Variants in AKNA observed in about 807,000 individuals in gnomAD.
The protein encoded by AKNA is microtubule organization protein AKNA.
In AKNA, 67 loss-of-function variants were observed where a neutral mutation model predicts 138.8. That is an observed-to-expected ratio of 0.48 (90% CI 0.40 to 0.59). The LOEUF is 0.59. Ranked by LOEUF, AKNA falls within the 20% of genes least tolerant of loss-of-function variation. The pLI, the probability that AKNA is intolerant of heterozygous loss-of-function variation, is 0.00. For missense variants in AKNA, 1,813 were observed against 1,880.4 expected (o/e 0.96, Z 0.66); for synonymous variants, 737 against 754.4 (o/e 0.98, Z 0.38).
chr9:114,356,160 C>G (rs768550938), intron 13 of AKNA, 24 bp from the exon 14 acceptor site: 2 of 1,601,790 alleles, frequency 1.2e-6, no homozygotes. Flanking sequence ...GAGGAAGGGA[C>G]ACACAGGGGT....
At chr9:114,373,444 A>T (rs1227755836) in intron 4 of AKNA, among the ~76,000 whole-genome samples, 3 of 152,204 alleles carry the variant, frequency 2.0e-5, no homozygotes, top group Non-Finnish European at 2.9e-5. Context: ...CCAGGGGCTG[A>T]GCAGAAATTC....
At chr9:114,330,631 A>G, downstream of AKNA, 3 of 1,604,024 alleles carry the variant, frequency 1.9e-6, no homozygotes, top group South Asian at 1.1e-5. Context: ...AGAAGACCTG[A>G]GCAAGTCCCT....
intron 16 of AKNA, 107 bp from the exon 17 acceptor site, chr9:114,346,891 G>T: frequency 1.1e-6 from 1 of 929,344 alleles, no homozygotes; most frequent in Non-Finnish European, 1.6e-6. Flanking sequence ...CACGATGGAA[G>T]GAAGAGAGTA....
intron 14 of AKNA, among the ~76,000 whole-genome samples, chr9:114,352,260 T>C (rs958442236): frequency 6.6e-6 from 1 of 152,206 alleles, no homozygotes; most frequent in African/African-American, 2.4e-5. Context: ...CTGTGTATTA[T>C]TTCTTATAAC....
chr9:114,359,469 T>C, intron 11 of AKNA, 125 bp downstream of exon 11: 1 of 1,557,032 alleles, frequency 6.4e-7, no homozygotes. Flanking sequence ...ATTCCACACT[T>C]GAAGAGGCAG....
Position 114,378,348 on chromosome 9 carries a change from C to T in AKNA, c.275-816G>A, listed in dbSNP as rs555076265. Among the ~76,000 whole-genome samples the T allele has an allele frequency of 3.3e-5, 5 of 152,348 alleles. 1 individual carries two copies. The South Asian group carries it at 1.0e-3, about 32-fold the overall frequency. On this transcript the variant is annotated intron_variant, in intron 2 of 21. Coordinates refer to ENST00000374088, the MANE Select transcript of AKNA (RefSeq NM_001317950.2). ...TGACTAGGTCAAGTTCTCCCTTTTA[C>T]AGGCCCTCATAGGACTGGCTCCCTC...
intron 6 of AKNA, 111 bp downstream of exon 6, chr9:114,367,432 C>T: frequency 7.5e-7 from 1 of 1,332,434 alleles, no homozygotes; most frequent in Non-Finnish European, 1.0e-6. Context: ...GGTGCAGAGG[C>T]AGGGGAATGA....
chr9:114,367,495 C>T, intron 6 of AKNA, 48 bp downstream of exon 6: 1 of 1,601,980 alleles, frequency 6.2e-7, no homozygotes, highest in Non-Finnish European at 8.5e-7. Flanking sequence ...GTTCTGTGTT[C>T]TCCAGGTGAG....
Position 114,362,388 on chromosome 9 carries a change from T to A in AKNA, c.1916+18A>T. 1 of 1,605,050 alleles carries A rather than the reference T, an allele frequency of 6.2e-7. No individual in the cohort carries two copies. Among genetic ancestry groups the A allele is most frequent in the African/African-American group, 1.3e-5 (1 of 74,868 alleles). The stretch of plus-strand genomic sequence containing the variant: ...CCCATCCCATCTGTCCTTCCAGGCC[T>A]TCCACCCCAGCAGGTACCTGCGAGG... On this transcript the variant is annotated intron_variant, in intron 8 of 21. Transcript: ENST00000374088.
chr9:114,398,229 GC>G (rs564741417), upstream of AKNA, among the ~76,000 whole-genome samples: 958 of 152,322 alleles, frequency 6.3e-3, 9 homozygotes, highest in African/African-American at 0.022. The surrounding 1 kb of genome is among the most constrained non-coding windows in gnomAD (Gnocchi z 4.2). Flanking sequence ...CCCGTCCAGG[GC>G]TCCCTCCCAT....
intron 12 of AKNA, 45 bp downstream of exon 12, chr9:114,357,876 A>C: frequency 6.3e-7 from 1 of 1,581,960 alleles, no homozygotes; most frequent in Non-Finnish European, 8.5e-7. Flanking sequence ...AAGACCCAGG[A>C]ATGACCCTGA....
Position 114,341,578 on chromosome 9 carries a change from G to A in AKNA, c.4022C>T (p.Ala1341Val). 1 of 1,614,146 alleles carries A rather than the reference G, an allele frequency of 6.2e-7. No individual in the cohort carries two copies. Among genetic ancestry groups the A allele is most frequent in the Non-Finnish European group, 8.5e-7 (1 of 1,180,014 alleles). Residue 1341 changes from alanine to valine, a missense_variant, in exon 21 of 22, where the codon GCC becomes GTC. Coordinates refer to ENST00000374088, the MANE Select transcript of AKNA (RefSeq NM_001317950.2). ...APPAPAPPAF[A>V]YISSVPIMPY... The stretch of plus-strand genomic sequence containing the variant: ...CATGATGGGAACCGAGGAGATGTAG[G>A]CAAAGGCTGGAGGGGCTGGTGCTGG...
intron 4 of AKNA, among the ~76,000 whole-genome samples, chr9:114,373,436 A>G (rs1832943389): frequency 6.6e-6 from 1 of 152,188 alleles, no homozygotes; most frequent in Non-Finnish European, 1.5e-5. Context: ...AACAAGCACC[A>G]GGGGCTGAGC....
intron 1 of AKNA, among the ~76,000 whole-genome samples, chr9:114,385,491 G>T (rs1179635701): frequency 6.6e-6 from 1 of 152,226 alleles, no homozygotes; most frequent in African/African-American, 2.4e-5. Flanking sequence ...GGGGCCGGGG[G>T]AGGTGTGCGG....
Position 114,377,317 on chromosome 9 carries a change from C to A in AKNA, c.490G>T (p.Gly164Trp). ...ACCCAGCCCCTGGCCTGACCATGCC[C>A]AAGAGCCATGGGGCTGGTGTTTCCA... is the stretch of plus-strand genomic sequence containing the variant. The part of the protein sequence containing the change: ...GHGNTSPMAL[G>W]HGQARGWVAS... Residue 164 changes from glycine to tryptophan, a missense_variant, in exon 3 of 22, where the codon GGG (glycine) becomes TGG (tryptophan). By Grantham distance (184) the Gly-to-Trp change is radical (BLOSUM62 -2). Transcript: ENST00000374088. The A allele has an allele frequency of 6.2e-7, 1 of 1,614,130 alleles. No homozygotes were observed. The highest frequency in any genetic ancestry group is 8.5e-7 in the Non-Finnish European group (1 of 1,179,990).
chr9:114,353,449 A>T (rs1018481137), intron 14 of AKNA, among the ~76,000 whole-genome samples: 1 of 152,104 alleles, frequency 6.6e-6, no homozygotes, highest in African/African-American at 2.4e-5. Flanking sequence ...TTTTTAGTGG[A>T]GATGGGGTTT....
Position 114,377,109 on chromosome 9 carries a change from T to C in AKNA, c.698A>G (p.Glu233Gly). 6.2e-7 allele frequency: 1 copy of C among 1,614,170 alleles called. No individual in the cohort carries two copies. Among genetic ancestry groups the C allele is most frequent in the Non-Finnish European group, 8.5e-7 (1 of 1,180,016 alleles). The change falls in exon 3 of 22, where the codon GAA becomes GGA. Residue 233 changes from glutamate (E) to glycine (G), a missense_variant. Physicochemically the swap from Glu to Gly is moderately conservative, Grantham distance 98. Coordinates refer to ENST00000374088, the MANE Select transcript of AKNA (RefSeq NM_001317950.2). ...GTGGCTGGGGCCCTCTGGCAAGGTT[T>C]CTGCCAGGGCAGTGGGCTGGGGGCC... ...TDGPQPTALAETLPEGPSHHL... is the reference protein window; with the variant it reads ...TDGPQPTALAGTLPEGPSHHL...
intron 1 of AKNA, chr9:114,394,240 A>C (rs1213637098): frequency 6.6e-6 from 1 of 152,088 alleles, no homozygotes; most frequent in African/African-American, 2.4e-5. Context: ...TTTTTTTGAT[A>C]GGGAAGTTTA....
chr9:114,389,823 G>A (rs7871784), upstream of AKNA, among the ~76,000 whole-genome samples: 3,854 of 152,310 alleles, frequency 0.025, 171 homozygotes, highest in African/African-American at 0.088. Flanking sequence ...GTCAGCTTGT[G>A]AATATCTGGC....
Sources: allele counts gnomAD v4.1 joint callset (sites outside exome capture counted in the v4.1 genomes callset), GRCh38; gene constraint gnomAD v4.1.1; non-coding constraint Gnocchi (gnomAD v3.1); transcripts MANE v1.5; gene names NCBI Gene and HGNC (gene_info 2026-07-23, HGNC 2026-07-21).